The following RASAL1 variants were observed in gnomAD, a reference collection of about 807,000 sequenced individuals.
The protein encoded by RASAL1 is RAS protein activator like 1, also known as rasGAP-activating-like protein 1.
A neutral mutation model predicts 96.6 loss-of-function variants in RASAL1; 72 were observed. That is an observed-to-expected ratio of 0.75 (90% CI 0.62 to 0.91). The LOEUF (loss-of-function observed/expected upper bound fraction) is 0.91, where lower values mean the gene tolerates loss of function less well. Among genes scored for constraint, RASAL1 ranks in the 40% least tolerant of loss-of-function variants. RASAL1 has a pLI of 0.00. For missense variants in RASAL1, 1,016 were observed against 1,072.5 expected, an observed-to-expected ratio of 0.95 and a Z score of 0.74; for synonymous variants, 405 against 430.4, an observed-to-expected ratio of 0.94 and a Z score of 0.73.
chr12:113,130,794 C>T lies in RASAL1; in HGVS notation c.122+91G>A. On this transcript the variant is annotated intron_variant, in intron 2 of 20. Transcript: ENST00000548055. The surrounding 1 kb of genome is among the most constrained non-coding windows in gnomAD (Gnocchi z 5.1). ...CCGCGAGTCCCCCTCAGGGTAAGCA[C>T]TCCTTTAAATGTGAATTCTTGGTCC... 1.8e-6 allele frequency: 2 copies of T among 1,117,216 alleles called. No individual in the cohort carries two copies. The highest frequency in any genetic ancestry group is 2.6e-6 in the Non-Finnish European group (2 of 769,978). The allele number at this position is 1,117,216 out of a possible 1,614,324, so 69.2% of individuals were successfully genotyped here.
intron 13 of RASAL1, among the ~76,000 whole-genome samples, 157 bp downstream of exon 13, chr12:113,111,929 C>T (rs1950877403): frequency 6.6e-6 from 1 of 152,120 alleles, no homozygotes; most frequent in Admixed American, 6.5e-5. Context: ...ATTCTTGGGA[C>T]CCGGACCCTG....
chr12:113,110,339 C>G (rs1183340639), intron 13 of RASAL1, among the ~76,000 whole-genome samples: 2 of 152,200 alleles, frequency 1.3e-5, no homozygotes, highest in Non-Finnish European at 2.9e-5. Context: ...AAATCAAAAG[C>G]TCTCAAATGA....
intron 18 of RASAL1, among the ~76,000 whole-genome samples, chr12:113,103,334 G>A (rs1950527951): frequency 6.6e-6 from 1 of 151,888 alleles, no homozygotes; most frequent in Non-Finnish European, 1.5e-5. Flanking sequence ...GGCCGGGCAC[G>A]GTGGCTCAGG....
chr12:113,134,133 TAGAA>T (rs1191891218), intron 1 of RASAL1, among the ~76,000 whole-genome samples: 1 of 152,150 alleles, frequency 6.6e-6, no homozygotes, highest in Non-Finnish European at 1.5e-5. Flanking sequence ...GGGGACATCT[TAGAA>T]AGAGTCTGGT....
At position 113,099,757 on chromosome 12, in the gene RASAL1, C is replaced by T. The variant is rs12422636; in HGVS notation, c.*172G>A. 0.13 allele frequency: 118,880 copies of T among 925,210 alleles called. 8,699 individuals are homozygous for T. Among genetic ancestry groups the T allele is most frequent in the Middle Eastern group, 0.17 (479 of 2,738 alleles). The allele number at this position is 925,210 out of a possible 1,614,324, so 57.3% of individuals were successfully genotyped here. A position where few individuals can be genotyped will look rare whatever the true frequency, so the allele number is the denominator to read the frequency against. On this transcript the variant is annotated 3_prime_UTR_variant, in exon 21 of 21. Transcript: ENST00000548055. ...TGCAAGGCTGGCCCCTGCCAAAGGG[C>T]TTCCATGCCCTGAGTTCTGGACTCA...
At chr12:113,131,006 G>T in intron 1 of RASAL1, 65 bp from the exon 2 acceptor site, 1 of 1,268,600 alleles carries the variant, frequency 7.9e-7, no homozygotes, top group Non-Finnish European at 1.1e-6. Context: ...GAGGGTCCCA[G>T]TCATGACACA....
At chr12:113,134,362 C>T (rs1386056283) in intron 1 of RASAL1, among the ~76,000 whole-genome samples, 4 of 152,142 alleles carry the variant, frequency 2.6e-5, no homozygotes, top group Non-Finnish European at 4.4e-5. Context: ...GGAATCAGCA[C>T]AGAGCTAAGA....
intron 16 of RASAL1, among the ~76,000 whole-genome samples, chr12:113,105,426 A>C (rs1732772): frequency 0.91 from 139,003 of 152,342 alleles, 63,536 homozygotes; most frequent in Admixed American, 0.95. Flanking sequence ...CATTGGAGAG[A>C]GGCTCAGCAT....
In RASAL1 at chr12:113,108,114, T is replaced by A; in HGVS notation, c.1483A>T (p.Thr495Ser). 6.2e-7 allele frequency: 1 copy of A among 1,613,518 alleles called. No homozygotes were observed. Among genetic ancestry groups the A allele is most frequent in the Middle Eastern group, 1.7e-4 (1 of 6,058 alleles). ...DLRDQHADPQ[T>S]SRSLLLLAKA... ...GCAAGCAACAGCAGTGAGCGGCTAG[T>A]CTGGGGGTCCGCGTGTTGGTCCCGA... Residue 495 changes from threonine to serine, a missense_variant, in exon 14 of 21, where the codon ACT (threonine) becomes TCT (serine). Physicochemically the swap from Thr to Ser is moderately conservative, Grantham distance 58. Coordinates refer to ENST00000548055, the MANE Select transcript of RASAL1 (RefSeq NM_001301202.2).
chr12:113,117,047 C>A, intron 8 of RASAL1, 26 bp downstream of exon 8: 1 of 1,528,494 alleles, frequency 6.5e-7, no homozygotes, highest in Non-Finnish European at 9.0e-7. Flanking sequence ...TCCAGCCTGG[C>A]CCCCTCCCTC....
rs1047493975 is a variant in RASAL1, at chr12:113,107,246, A to G, written c.1513-5T>C. On this transcript the variant is annotated splice_region_variant and splice_polypyrimidine_tract_variant and intron_variant, in intron 14 of 20. Coordinates refer to ENST00000548055, the MANE Select transcript of RASAL1 (RefSeq NM_001301202.2). ...GTTTCCAATGCTCTGCACAGCCTGGAGCAAAGAAGCGAGGGATGCCGGGGC... is the reference window on the plus strand; with the variant it reads ...GTTTCCAATGCTCTGCACAGCCTGGGGCAAAGAAGCGAGGGATGCCGGGGC... The G allele has an allele frequency of 5.0e-6, 8 of 1,589,686 alleles. No homozygotes were observed. The African/African-American group carries it at 9.4e-5, about 19-fold the overall frequency.
rs116311409 is a variant in RASAL1, at chr12:113,110,614, T to A, written c.1374+1472A>T. On this transcript the variant is annotated intron_variant, in intron 13 of 20. Coordinates refer to ENST00000548055, the MANE Select transcript of RASAL1 (RefSeq NM_001301202.2). ...GTTTGGTTTTCAGGTGAATTCATGC[T>A]GACATTTTAAAAATAAGAGATCAGG... Among the ~76,000 whole-genome samples the A allele has an allele frequency of 5.1e-3, 773 of 152,282 alleles. 5 individuals carry two copies. Among genetic ancestry groups the A allele is most frequent in the African/African-American group, 0.018 (745 of 41,556 alleles).
chr12:113,106,175 C>G (rs1279343167), intron 15 of RASAL1, among the ~76,000 whole-genome samples: 1 of 152,126 alleles, frequency 6.6e-6, no homozygotes, highest in Non-Finnish European at 1.5e-5. Context: ...CCTATGGGGT[C>G]CCATCCAGGC....
Position 113,112,233 on chromosome 12 carries a change from C to G in RASAL1, c.1227G>C (p.Glu409Asp). The G allele has an allele frequency of 2.4e-6, 3 of 1,267,206 alleles. No individual in the cohort carries two copies. Among genetic ancestry groups the G allele is most frequent in the East Asian group, 3.1e-5 (1 of 32,774 alleles). The allele number at this position is 1,267,206 out of a possible 1,614,324, so 78.5% of individuals were successfully genotyped here. A position where few individuals can be genotyped will look rare whatever the true frequency, so the allele number is the denominator to read the frequency against. Residue 409 changes from glutamate to aspartate, a missense_variant, in exon 13 of 21, where the codon GAG (glutamate) becomes GAC (aspartate). By Grantham distance (45) the Glu-to-Asp change is conservative (BLOSUM62 2). Transcript: ENST00000548055. The part of the protein sequence containing the change: ...KGALSEEQMR[E>D]TSLGLLTGYL... ...AGCCCGTCAGCAGCCCCAGGCTGGT[C>G]TCCCGCATCTGCTCCTCCGAGAGTG...
At chr12:113,124,888 A>G (rs1951425421) in intron 4 of RASAL1, among the ~76,000 whole-genome samples, 1 of 152,254 alleles carries the variant, frequency 6.6e-6, no homozygotes, top group Non-Finnish European at 1.5e-5. Flanking sequence ...GACAAAAAGT[A>G]ATAAAGTTTA....
At chr12:113,110,215 G>A (rs947600593) in intron 13 of RASAL1, among the ~76,000 whole-genome samples, 2 of 152,188 alleles carry the variant, frequency 1.3e-5, no homozygotes, top group Non-Finnish European at 2.9e-5. Flanking sequence ...GGGGAGGAGG[G>A]GGAGGAGGGG....
intron 3 of RASAL1, 80 bp downstream of exon 3, chr12:113,127,985 G>A: frequency 1.3e-6 from 2 of 1,558,892 alleles, no homozygotes; most frequent in East Asian, 2.2e-5. Flanking sequence ...CTCGTGGGCT[G>A]TGGACCCACA....
intron 4 of RASAL1, among the ~76,000 whole-genome samples, chr12:113,122,151 T>A (rs1951317335): frequency 6.6e-6 from 1 of 152,172 alleles, no homozygotes; most frequent in Non-Finnish European, 1.5e-5. Flanking sequence ...AGCTAGCAAA[T>A]GGCAGAGCTG....
intron 18 of RASAL1, chr12:113,103,176 T>C (rs980905007): frequency 6.5e-6 from 1 of 152,740 alleles, no homozygotes; most frequent in Non-Finnish European, 1.4e-5. Flanking sequence ...GTCATTATTT[T>C]ATATATTATT....
Sources: gnomAD v4.1 joint callset for allele counts (sites outside exome capture counted in the v4.1 genomes callset) on GRCh38, gnomAD v4.1.1 for gene constraint, Gnocchi (gnomAD v3.1) non-coding constraint, MANE v1.5 for transcripts, NCBI Gene and HGNC (gene_info 2026-07-23, HGNC 2026-07-21) for gene names.